RBFOX1: variants seen among roughly 807,000 people sequenced by gnomAD.
The protein encoded by RBFOX1 is RNA binding fox-1 homolog 1, also known as RNA binding protein fox-1 homolog 1.
A neutral mutation model predicts 57.7 loss-of-function variants in RBFOX1; 8 were observed. That is an observed-to-expected ratio of 0.14 (90% CI 0.08 to 0.25). RBFOX1 has a LOEUF of 0.25. RBFOX1 is among the 10% of genes least tolerant of loss of function. The probability of loss-of-function intolerance (pLI) is 1.00; values close to 1 mark genes in which losing one functional copy is unlikely to be tolerated. For synonymous variants in RBFOX1, 326 were observed against 222.4 expected, an observed-to-expected ratio of 1.47 and a Z score of -4.15; for missense variants, 611 against 548.5, an observed-to-expected ratio of 1.11 and a Z score of -1.14.
At position 6,687,504 on chromosome 16, in the gene RBFOX1, G is replaced by T. The variant is rs545713450; in HGVS notation, c.-16+32854G>T. ...AAAAGTGGTGATCTCTGCTAGTCAG[G>T]ATAAGCTAGTCTGTGCTTCAGTAAC... On this transcript the variant is annotated intron_variant, in intron 3 of 15. Transcript: ENST00000550418. 3.9e-5 allele frequency among the ~76,000 whole-genome samples: 6 copies of T among 152,302 alleles called. No homozygotes were observed. The South Asian group carries it at 6.2e-4, about 16-fold the overall frequency.
At chr16:7,090,408 C>G (rs1436482902) in intron 4 of RBFOX1, among the ~76,000 whole-genome samples, 1 of 152,114 alleles carries the variant, frequency 6.6e-6, no homozygotes, top group African/African-American at 2.4e-5. Flanking sequence ...CTTCTCTAGA[C>G]TGACTTTGTC....
chr16:7,153,313 A>T (rs2076444686), intron 4 of RBFOX1, among the ~76,000 whole-genome samples: 1 of 152,120 alleles, frequency 6.6e-6, no homozygotes, highest in African/African-American at 2.4e-5. Flanking sequence ...GATTTATTTC[A>T]TTTGATAAAC....
At chr16:7,226,296 C>G (rs559793079) in intron 4 of RBFOX1, among the ~76,000 whole-genome samples, 1 of 152,168 alleles carries the variant, frequency 6.6e-6, no homozygotes, top group Non-Finnish European at 1.5e-5. Context: ...CTACAAGCTA[C>G]GGAGTTCTCT....
intron 4 of RBFOX1, among the ~76,000 whole-genome samples, chr16:7,187,856 A>G (rs541519857): frequency 3.9e-5 from 6 of 152,292 alleles, no homozygotes; most frequent in Admixed American, 3.9e-4. Flanking sequence ...AAATTGCCTA[A>G]TTTATGGCGG....
intron 1 of RBFOX1, among the ~76,000 whole-genome samples, chr16:5,305,227 C>T (rs956224108): frequency 3.9e-5 from 6 of 152,298 alleles, no homozygotes; most frequent in Admixed American, 2.0e-4. Flanking sequence ...TCACCTGCTA[C>T]ACTTCATTAC....
intron 1 of RBFOX1, among the ~76,000 whole-genome samples, chr16:6,114,097 T>G (rs1203141801): frequency 6.6e-6 from 1 of 152,224 alleles, no homozygotes; most frequent in Admixed American, 6.5e-5. Flanking sequence ...ATTATTTTTT[T>G]TCTCCCTTCA....
chr16:6,707,795 C>A (rs911484902), intron 3 of RBFOX1, among the ~76,000 whole-genome samples: 4 of 152,190 alleles, frequency 2.6e-5, no homozygotes, highest in African/African-American at 9.6e-5. Context: ...TTATTAAATT[C>A]TTATTTATGT....
chr16:5,322,791 A>C (rs1430411636), intron 1 of RBFOX1, among the ~76,000 whole-genome samples: 1 of 152,174 alleles, frequency 6.6e-6, no homozygotes, highest in Non-Finnish European at 1.5e-5. Flanking sequence ...CAGTGTACCT[A>C]CCTTATTCTA....
chr16:6,873,306 G>A (rs191610097), intron 3 of RBFOX1, among the ~76,000 whole-genome samples: 64 of 152,174 alleles, frequency 4.2e-4, no homozygotes, highest in African/African-American at 1.4e-3. Context: ...AACACCTTGA[G>A]CTTCCTTATG....
chr16:6,899,192 AGTGCATATGT>A (rs2067823657), intron 3 of RBFOX1, among the ~76,000 whole-genome samples: 1 of 149,490 alleles, frequency 6.7e-6, no homozygotes, highest in African/African-American at 2.5e-5. Flanking sequence ...TATGTGTGTG[AGTGCATATGT>A]GTGTATATGT....
chr16:5,933,985 C>T (rs889389960), intron 4 of RBFOX1, among the ~76,000 whole-genome samples: 2 of 152,054 alleles, frequency 1.3e-5, no homozygotes, highest in African/African-American at 4.8e-5. Flanking sequence ...TCTGTTGTTC[C>T]CTTCTTTGTG....
chr16:7,389,023 T>A (rs1271793413), intron 4 of RBFOX1, among the ~76,000 whole-genome samples: 1 of 152,220 alleles, frequency 6.6e-6, no homozygotes, highest in Non-Finnish European at 1.5e-5. Context: ...ACAAGTTCTT[T>A]GGAGAGCCTG....
chr16:7,258,273 T>C (rs937168510), intron 4 of RBFOX1, among the ~76,000 whole-genome samples: 1 of 152,230 alleles, frequency 6.6e-6, no homozygotes, highest in Non-Finnish European at 1.5e-5. Flanking sequence ...TTAATTATTC[T>C]AGTCACTTTA....
chr16:6,602,886 T>G (rs1337049301), intron 2 of RBFOX1, among the ~76,000 whole-genome samples: 1 of 151,950 alleles, frequency 6.6e-6, no homozygotes, highest in Non-Finnish European at 1.5e-5. Flanking sequence ...AGGCCTGGAG[T>G]GCTTAAGACT....
At chr16:5,688,341 A>C (rs1372925479) in intron 3 of RBFOX1, among the ~76,000 whole-genome samples, 1 of 152,214 alleles carries the variant, frequency 6.6e-6, no homozygotes, top group Non-Finnish European at 1.5e-5. Flanking sequence ...AGAATTTTAT[A>C]TCAGTGAGAG....
intron 4 of RBFOX1, among the ~76,000 whole-genome samples, chr16:7,153,546 C>A (rs1175328649): frequency 6.6e-6 from 1 of 151,284 alleles, no homozygotes; most frequent in Non-Finnish European, 1.5e-5. Flanking sequence ...ACCATCCTGG[C>A]CAAATAGTGA....
chr16:7,177,759 C>G (rs941589030), intron 4 of RBFOX1, among the ~76,000 whole-genome samples: 3 of 152,178 alleles, frequency 2.0e-5, no homozygotes, highest in South Asian at 2.1e-4. Flanking sequence ...CTTTTGGTCT[C>G]CGCTGCAACT....
chr16:6,427,683 A>G (rs1435912989), intron 2 of RBFOX1, among the ~76,000 whole-genome samples: 2 of 152,222 alleles, frequency 1.3e-5, no homozygotes, highest in Non-Finnish European at 2.9e-5. Flanking sequence ...ATAATGTATT[A>G]CTAGTATGAT....
intron 1 of RBFOX1, among the ~76,000 whole-genome samples, chr16:6,170,096 T>C (rs1372688775): frequency 6.6e-6 from 1 of 152,170 alleles, no homozygotes; most frequent in Non-Finnish European, 1.5e-5. Context: ...CCACAAGGAC[T>C]CAAATATAGA....
Sources: allele counts gnomAD v4.1 joint callset (sites outside exome capture counted in the v4.1 genomes callset), GRCh38; gene constraint gnomAD v4.1.1; transcripts MANE v1.5; gene names NCBI Gene and HGNC (gene_info 2026-07-23, HGNC 2026-07-21).